ZC3H12B: variants seen among roughly 807,000 people sequenced by gnomAD.
ZC3H12B encodes the protein zinc finger CCCH-type containing 12B.
ZC3H12B carries 7 observed loss-of-function variants against 43.9 expected under a neutral mutation model. The observed-to-expected ratio is 0.16, with a 90% CI of 0.09 to 0.30. The LOEUF is 0.30. Among genes scored for constraint, ZC3H12B ranks in the 10% least tolerant of loss-of-function variants. ZC3H12B has a pLI of 1.00. For synonymous variants in ZC3H12B, 222 were observed against 241.7 expected, an observed-to-expected ratio of 0.92 and a Z score of 0.76; for missense variants, 475 against 670.2, an observed-to-expected ratio of 0.71 and a Z score of 3.22.
At chrX:65,352,916 T>C in the ZC3H12B span, among the ~76,000 whole-genome samples, 1 of 111,818 alleles carries the variant, frequency 8.9e-6, no homozygotes, top group Non-Finnish European at 1.9e-5. Flanking sequence ...GGCATGATCA[T>C]GGCTCACTGC....
the ZC3H12B span, chrX:65,331,179 G>A: frequency 2.2e-3 from 434 of 194,159 alleles, 1 homozygote; most frequent in Non-Finnish European, 3.5e-3. Context: ...CCAAGAGAGC[G>A]CAGCACTCAC....
upstream of ZC3H12B, among the ~76,000 whole-genome samples, chrX:65,487,123 C>T (rs981969209): frequency 8.9e-6 from 1 of 112,824 alleles, no homozygotes; most frequent in Non-Finnish European, 1.9e-5. Context: ...TCATTATATG[C>T]TGCCTGAATG....
At chrX:65,156,086 AT>A in the ZC3H12B span, among the ~76,000 whole-genome samples, 11 of 111,249 alleles carry the variant, frequency 9.9e-5, no homozygotes, top group East Asian at 8.4e-4. Context: ...AGAAAAAAAA[AT>A]GTTTATATTG....
At chrX:65,447,952 G>A (rs182169600) in intron 3 of ZC3H12B, among the ~76,000 whole-genome samples, 225 of 111,456 alleles carry the variant, frequency 2.0e-3, no homozygotes, top group African/African-American at 6.8e-3. Context: ...AGTTAAAAGG[G>A]CCGGGCACGG....
At chrX:65,231,799 A>G in the ZC3H12B span, among the ~76,000 whole-genome samples, 117 of 111,830 alleles carry the variant, frequency 1.0e-3, no homozygotes, top group African/African-American at 3.6e-3. Context: ...CATATTGTTC[A>G]AACACCCATG....
At chrX:65,346,040 T>C in the ZC3H12B span, among the ~76,000 whole-genome samples, 1 of 111,429 alleles carries the variant, frequency 9.0e-6, no homozygotes, top group South Asian at 3.7e-4. Flanking sequence ...AAAATGCTCA[T>C]ACAACCCAAA....
At chrX:65,371,072 C>T (rs186098121) in intron 2 of ZC3H12B, among the ~76,000 whole-genome samples, 121 of 111,477 alleles carry the variant, frequency 1.1e-3, no homozygotes, top group Non-Finnish European at 8.7e-4. Flanking sequence ...ATTCTAATAT[C>T]CTATTCTTAA....
intron 2 of ZC3H12B, among the ~76,000 whole-genome samples, chrX:65,389,203 C>T (rs919162453): frequency 4.5e-5 from 5 of 112,277 alleles, no homozygotes; most frequent in Non-Finnish European, 7.5e-5. Flanking sequence ...GATTCTGCTG[C>T]CTTTTGTTTG....
the ZC3H12B span, among the ~76,000 whole-genome samples, chrX:65,346,059 C>T: frequency 1.8e-5 from 2 of 111,162 alleles, no homozygotes; most frequent in Non-Finnish European, 3.8e-5. Flanking sequence ...AAGCAATATA[C>T]AGACTCAAAC....
chrX:65,382,709 A>G (rs1189285340), intron 2 of ZC3H12B, among the ~76,000 whole-genome samples: 3 of 111,622 alleles, frequency 2.7e-5, no homozygotes, highest in Admixed American at 1.9e-4. Flanking sequence ...AAACCCCATC[A>G]TCTCAGCCAA....
rs1170745165 is a variant in ZC3H12B, at chrX:65,407,572, G to GGCCGCCGCGCCACCTGCGCCTCGCCC, written n.407+8877_407+8902dup. 5.3e-5 allele frequency among the ~76,000 whole-genome samples: 6 copies of GGCCGCCGCGCCACCTGCGCCTCGCCC among 113,690 alleles called. No individual in the cohort carries two copies. The South Asian group carries it at 1.4e-3, about 27-fold the overall frequency. On this transcript the variant is annotated intron_variant and non_coding_transcript_variant, in intron 3 of 5. Coordinates refer to the ZC3H12B transcript ENST00000617377. ...GTCGGGTTTGTGTGGGGTTAGCGGG[G>GGCCGCCGCGCCACCTGCGCCTCGCCC]GCCGCCGCGCCACCTGCGCCTCGCC...
chrX:65,120,341 T>A, the ZC3H12B span, among the ~76,000 whole-genome samples: 8 of 111,415 alleles, frequency 7.2e-5, no homozygotes, highest in Admixed American at 6.7e-4. Context: ...GGTTTGTAGT[T>A]CTCCTTGAAG....
At chrX:65,286,602 T>C in the ZC3H12B span, among the ~76,000 whole-genome samples, 1 of 110,879 alleles carries the variant, frequency 9.0e-6, no homozygotes, top group Non-Finnish European at 1.9e-5. Flanking sequence ...TGTGTGTGTA[T>C]ATACACACAC....
chrX:65,093,679 A>G, the ZC3H12B span, among the ~76,000 whole-genome samples: 1 of 112,240 alleles, frequency 8.9e-6, no homozygotes. Context: ...TTCTTTTGGA[A>G]TAGGGATATA....
At chrX:65,133,482 G>A in the ZC3H12B span, among the ~76,000 whole-genome samples, 1 of 110,894 alleles carries the variant, frequency 9.0e-6, no homozygotes, top group Non-Finnish European at 1.9e-5. Context: ...TGATGAAAAA[G>A]AGCCTGAACA....
the ZC3H12B span, among the ~76,000 whole-genome samples, chrX:65,089,393 G>A: frequency 9.0e-6 from 1 of 111,594 alleles, no homozygotes; most frequent in Non-Finnish European, 1.9e-5. Context: ...GACAATAAAA[G>A]TATAGTATAA....
the ZC3H12B span, among the ~76,000 whole-genome samples, chrX:65,187,533 A>G: frequency 1.8e-5 from 2 of 111,845 alleles, no homozygotes; most frequent in Admixed American, 1.9e-4. Flanking sequence ...TATCTACCAA[A>G]TGGAAAAAGT....
the ZC3H12B span, among the ~76,000 whole-genome samples, chrX:65,133,560 G>A: frequency 9.0e-6 from 1 of 111,677 alleles, no homozygotes; most frequent in East Asian, 2.8e-4. Context: ...TTCAGCTCCA[G>A]CCACATCTTT....
chrX:65,191,567 A>G, the ZC3H12B span, among the ~76,000 whole-genome samples: 4 of 102,257 alleles, frequency 3.9e-5, no homozygotes, highest in East Asian at 1.2e-3. Context: ...TTTCTTCTAG[A>G]TTTTCTAGTT....
Sources: gnomAD v4.1 joint callset for allele counts (sites outside exome capture counted in the v4.1 genomes callset) on GRCh38, gnomAD v4.1.1 for gene constraint, MANE v1.5 for transcripts, NCBI Gene and HGNC (gene_info 2026-07-23, HGNC 2026-07-21) for gene names.